Variants in EXOC2 observed in about 807,000 individuals in gnomAD.
EXOC2 encodes SEC5-like 1.
A neutral mutation model predicts 131.8 loss-of-function variants in EXOC2; 70 were observed. The observed-to-expected ratio is 0.53, with a 90% CI of 0.44 to 0.65. The LOEUF (loss-of-function observed/expected upper bound fraction) is 0.65, where lower values mean the gene tolerates loss of function less well. Ranked by LOEUF, EXOC2 falls within the 30% of genes least tolerant of loss-of-function variation. EXOC2 has a pLI of 0.00. For missense variants in EXOC2, 923 were observed against 1,108.6 expected, an observed-to-expected ratio of 0.83 and a Z score of 2.38; for synonymous variants, 411 against 398.4, an observed-to-expected ratio of 1.03 and a Z score of -0.38.
chr6:641,539 C>G (rs1762352947), intron 1 of EXOC2, among the ~76,000 whole-genome samples: 1 of 152,110 alleles, frequency 6.6e-6, no homozygotes, highest in Non-Finnish European at 1.5e-5. Flanking sequence ...TTCAGTCCAA[C>G]ACGACTTAAT....
chr6:568,236 G>A (rs1469117078), intron 13 of EXOC2, among the ~76,000 whole-genome samples: 1 of 152,210 alleles, frequency 6.6e-6, no homozygotes, highest in Non-Finnish European at 1.5e-5. Flanking sequence ...AACCTCTCCG[G>A]GATGTGGATG....
chr6:642,816 A>C (rs184341732), intron 1 of EXOC2, among the ~76,000 whole-genome samples: 2 of 152,310 alleles, frequency 1.3e-5, no homozygotes, highest in African/African-American at 4.8e-5. Context: ...AGTGAACATG[A>C]TTATAGATCA....
At chr6:663,003 A>G (rs183836514) in intron 1 of EXOC2, among the ~76,000 whole-genome samples, 1 of 152,188 alleles carries the variant, frequency 6.6e-6, no homozygotes, top group East Asian at 1.9e-4. Flanking sequence ...AAAAAAAAAC[A>G]AATCCTGGTT....
At chr6:570,292 C>A (rs1675495745) in intron 13 of EXOC2, among the ~76,000 whole-genome samples, 2 of 152,106 alleles carry the variant, frequency 1.3e-5, no homozygotes, top group African/African-American at 4.8e-5. Flanking sequence ...CGCCACCACG[C>A]CTGGCTAATT....
At chr6:680,604 T>C (rs1764358753) in intron 1 of EXOC2, among the ~76,000 whole-genome samples, 1 of 152,210 alleles carries the variant, frequency 6.6e-6, no homozygotes, top group African/African-American at 2.4e-5. Flanking sequence ...AGCTGCTGGC[T>C]GGAGATCCAG....
chr6:598,416 AAGGCCCTGTG>A (rs1475751455), intron 9 of EXOC2, among the ~76,000 whole-genome samples: 1 of 152,246 alleles, frequency 6.6e-6, no homozygotes, highest in Non-Finnish European at 1.5e-5. Context: ...TAAATTTAAT[AAGGCCCTGTG>A]ATATTTCTCC....
At chr6:686,090 T>G (rs1254154213) in intron 1 of EXOC2, among the ~76,000 whole-genome samples, 2 of 151,906 alleles carry the variant, frequency 1.3e-5, no homozygotes, top group East Asian at 1.9e-4. Flanking sequence ...GCCTCCCAAG[T>G]AGCTGGGATT....
At chr6:509,179 T>C (rs906834400) in intron 23 of EXOC2, among the ~76,000 whole-genome samples, 7 of 152,254 alleles carry the variant, frequency 4.6e-5, no homozygotes, top group Non-Finnish European at 1.5e-5. Context: ...CTTAGTATTC[T>C]AGCATGGATG....
chr6:496,271 A>G (rs1376428712), intron 25 of EXOC2, among the ~76,000 whole-genome samples: 14 of 152,246 alleles, frequency 9.2e-5, no homozygotes, highest in Admixed American at 9.2e-4. Context: ...TTTGAATTCA[A>G]TTAAATTTGC....
chr6:488,565 C>T (rs1338326496), intron 27 of EXOC2, among the ~76,000 whole-genome samples: 2 of 152,032 alleles, frequency 1.3e-5, no homozygotes, highest in African/African-American at 4.8e-5. Context: ...AAAATAAATA[C>T]TACTGAATTA....
chr6:537,400 G>T (rs1766526422), intron 22 of EXOC2, among the ~76,000 whole-genome samples: 1 of 150,910 alleles, frequency 6.6e-6, no homozygotes, highest in Admixed American at 6.6e-5. Context: ...GTACACTCGA[G>T]TTCATGACCG....
chr6:689,270 T>C (rs1404838026), intron 1 of EXOC2: 2 of 150,518 alleles, frequency 1.3e-5, no homozygotes, highest in Non-Finnish European at 3.0e-5. Context: ...TAAAGCAAAC[T>C]GGATGATGTA....
chr6:548,230 G>A lies in EXOC2; in HGVS notation c.2238+945C>T, dbSNP rs187643874. 1.9e-3 allele frequency among the ~76,000 whole-genome samples: 286 copies of A among 152,032 alleles called. 1 individual carries two copies. Among genetic ancestry groups the A allele is most frequent in the African/African-American group, 6.1e-3 (252 of 41,454 alleles). ...AAAGGCAGGAAAACAAGACAGGGCC[G>A]CCCACTTTGACATTTTCACTCTTTG... On this transcript the variant is annotated intron_variant, in intron 22 of 27. Coordinates refer to ENST00000230449, the MANE Select transcript of EXOC2 (RefSeq NM_018303.6).
chr6:566,390 C>A (rs778893452), intron 13 of EXOC2, among the ~76,000 whole-genome samples: 1 of 152,346 alleles, frequency 6.6e-6, no homozygotes, highest in Admixed American at 6.5e-5. Context: ...CACACTGAGA[C>A]AGCAGCAGGT....
At chr6:564,500 A>C (rs1158785378) in intron 15 of EXOC2, 45 bp downstream of exon 15, 2 of 1,605,972 alleles carry the variant, frequency 1.2e-6, no homozygotes, top group African/African-American at 2.7e-5. Context: ...AAAAAGTTAA[A>C]AAAAACAGAA....
chr6:570,415 G>A (rs1758214231), intron 13 of EXOC2, among the ~76,000 whole-genome samples: 2 of 152,178 alleles, frequency 1.3e-5, no homozygotes, highest in African/African-American at 4.8e-5. Context: ...TTATAGGCAT[G>A]AGCCACCGCG....
At chr6:556,656 A>G (rs566105989) in intron 17 of EXOC2, 92 bp from the exon 18 acceptor site, 884 of 1,319,370 alleles carry the variant, frequency 6.7e-4, no homozygotes, top group Non-Finnish European at 9.0e-4. Context: ...CAAGCCCCAC[A>G]TTTTCCAGAT....
chr6:616,779 T>C (rs975875899), intron 6 of EXOC2, among the ~76,000 whole-genome samples: 1 of 151,362 alleles, frequency 6.6e-6, no homozygotes, highest in Non-Finnish European at 1.5e-5. Context: ...GGTCTCGCTC[T>C]GTCACCAGGC....
intron 7 of EXOC2, among the ~76,000 whole-genome samples, chr6:599,479 T>A (rs1760007425): frequency 6.6e-6 from 1 of 152,234 alleles, no homozygotes; most frequent in South Asian, 2.1e-4. Context: ...AATTCTCTAA[T>A]GTGAACCTAC....
Sources: allele counts gnomAD v4.1 joint callset (sites outside exome capture counted in the v4.1 genomes callset), GRCh38; gene constraint gnomAD v4.1.1; transcripts MANE v1.5; gene names NCBI Gene and HGNC (gene_info 2026-07-23, HGNC 2026-07-21).